The following SFMBT2 variants were observed in gnomAD, a reference collection of about 807,000 sequenced individuals.
SFMBT2 encodes the protein scm-like with four MBT domains protein 2.
SFMBT2 carries 38 observed loss-of-function variants against 110.1 expected under a neutral mutation model. That is an observed-to-expected ratio of 0.35 (90% CI 0.27 to 0.45). SFMBT2 has a LOEUF of 0.45. SFMBT2 is among the 20% of genes least tolerant of loss of function. The pLI is 1.00. For synonymous variants in SFMBT2, 425 were observed against 425.4 expected (o/e 1.00, Z 0.01); for missense variants, 1,011 against 1,094.9 (o/e 0.92, Z 1.08).
At chr10:7,268,513 T>G (rs1247968488) in intron 7 of SFMBT2, among the ~76,000 whole-genome samples, 1 of 150,966 alleles carries the variant, frequency 6.6e-6, no homozygotes, top group Non-Finnish European at 1.5e-5. Context: ...AGGTTTTATC[T>G]AATTTTTTTT....
chr10:7,217,843 G>C (rs1475559945), intron 11 of SFMBT2, among the ~76,000 whole-genome samples: 1 of 152,132 alleles, frequency 6.6e-6, no homozygotes, highest in African/African-American at 2.4e-5. Flanking sequence ...CCTCCTTTCC[G>C]GAACACTGGC....
In SFMBT2 at chr10:7,162,865, G is replaced by A. The variant is rs1377790655; in HGVS notation, c.*905C>T. 2.0e-5 allele frequency: 3 copies of A among 152,476 alleles called. No individual in the cohort carries two copies. Among genetic ancestry groups the A allele is most frequent in the Non-Finnish European group, 2.9e-5 (2 of 68,280 alleles). 9.4% of individuals were successfully genotyped at this position (152,476 alleles called of 1,614,324 possible). A position where few individuals can be genotyped will look rare whatever the true frequency, so the allele number is the denominator to read the frequency against. On this transcript the variant is annotated 3_prime_UTR_variant, in exon 21 of 21. Coordinates refer to ENST00000397167, the MANE Select transcript of SFMBT2 (RefSeq NM_001387889.1). Reference sequence around the variant, plus strand: ...CACCTGTAATCCCAGCACGTTGGGAGGCCGAGGCGGGCAGATCACTTGAGG... The same window carrying A: ...CACCTGTAATCCCAGCACGTTGGGAAGCCGAGGCGGGCAGATCACTTGAGG...
At chr10:7,273,980 G>A (rs1351073428) in intron 7 of SFMBT2, among the ~76,000 whole-genome samples, 2 of 152,160 alleles carry the variant, frequency 1.3e-5, no homozygotes, top group Non-Finnish European at 2.9e-5. Flanking sequence ...ACATGCACAC[G>A]GATGTTTATT....
At chr10:7,338,807 C>T (rs1843799983) in intron 4 of SFMBT2, among the ~76,000 whole-genome samples, 1 of 152,202 alleles carries the variant, frequency 6.6e-6, no homozygotes, top group South Asian at 2.1e-4. Flanking sequence ...CGGACACATC[C>T]TCCCTAAGTC....
At chr10:7,365,817 G>A (rs1844875698) in intron 4 of SFMBT2, among the ~76,000 whole-genome samples, 1 of 152,168 alleles carries the variant, frequency 6.6e-6, no homozygotes, top group Non-Finnish European at 1.5e-5. Flanking sequence ...TTTGCCAAGG[G>A]TTTTCCGGGG....
At chr10:7,198,544 T>C (rs766166102) in intron 14 of SFMBT2, among the ~76,000 whole-genome samples, 9 of 152,234 alleles carry the variant, frequency 5.9e-5, no homozygotes, top group Non-Finnish European at 1.2e-4. Context: ...AGGGCTCCTG[T>C]AGTCCTACAT....
intron 4 of SFMBT2, among the ~76,000 whole-genome samples, chr10:7,310,630 A>G (rs1842823564): frequency 6.6e-6 from 1 of 152,180 alleles, no homozygotes; most frequent in Admixed American, 6.5e-5. Flanking sequence ...CTCTTCCTAA[A>G]TGGATCTTCT....
intron 3 of SFMBT2, among the ~76,000 whole-genome samples, 162 bp from the exon 4 acceptor site, chr10:7,368,051 G>A (rs1357485775): frequency 6.6e-6 from 1 of 152,130 alleles, no homozygotes; most frequent in Non-Finnish European, 1.5e-5. Flanking sequence ...AGCCACAAAC[G>A]TAATGCTAAA....
At chr10:7,287,141 C>T (rs1451806043) in intron 4 of SFMBT2, among the ~76,000 whole-genome samples, 4 of 131,412 alleles carry the variant, frequency 3.0e-5, no homozygotes, top group South Asian at 2.3e-4. Context: ...GAGGCAGTGG[C>T]GGATCTCAGC....
At chr10:7,278,170 G>T (rs904309298) in intron 6 of SFMBT2, among the ~76,000 whole-genome samples, 2 of 152,060 alleles carry the variant, frequency 1.3e-5, no homozygotes, top group African/African-American at 4.8e-5. Context: ...CTTCTAGTTT[G>T]GCCTTTCTAA....
intron 4 of SFMBT2, among the ~76,000 whole-genome samples, chr10:7,287,077 CTTTTTTTTTTTT>C (rs761728311): frequency 1.0e-5 from 1 of 99,686 alleles, no homozygotes; most frequent in Non-Finnish European, 1.9e-5. Context: ...TTTGAGGCAT[CTTTTTTTTTTTT>C]TTTTTTTTTT....
intron 4 of SFMBT2, among the ~76,000 whole-genome samples, chr10:7,366,597 G>A (rs1394671800): frequency 2.0e-5 from 3 of 152,190 alleles, no homozygotes; most frequent in Non-Finnish European, 2.9e-5. Context: ...ACACACATTT[G>A]CAAGGTGGCA....
chr10:7,293,930 C>G lies in SFMBT2; in HGVS notation c.437-7976G>C, dbSNP rs1029375230. Among the ~76,000 whole-genome samples the G allele has an allele frequency of 6.6e-6, 1 of 152,180 alleles. No individual in the cohort carries two copies. The highest frequency in any genetic ancestry group is 1.5e-5 in the Non-Finnish European group (1 of 68,032). ...TGAACAATTTCCATCTCATCAGTTA[C>G]GCTGATGTGTATCAGTGATGTATAT... On this transcript the variant is annotated intron_variant, in intron 4 of 20. Coordinates refer to ENST00000397167, the MANE Select transcript of SFMBT2 (RefSeq NM_001387889.1). The surrounding 1 kb of genome is among the most constrained non-coding windows in gnomAD (Gnocchi z 4.6).
In SFMBT2 at chr10:7,285,928, T is replaced by C. The variant is rs775210146; in HGVS notation, c.463A>G (p.Thr155Ala). Residue 155 changes from threonine (T) to alanine (A), a missense_variant, in exon 5 of 21, where the codon ACA (threonine) becomes GCA (alanine). Physicochemically the swap from Thr to Ala is moderately conservative, Grantham distance 58 (BLOSUM62 0). Around this residue, in one of 2 missense-constraint regions of SFMBT2, gnomAD observed 979 missense variants for 1,016.1 expected, o/e 0.96. Transcript: ENST00000397167. ...GTCAAGTCACGTATGAGAAATTCTG[T>C]CCAGTCTGTGTACTTCTCTTTGATT... is the stretch of plus-strand genomic sequence containing the variant. The part of the protein sequence containing the change: ...DAIKEKYTDW[T>A]EFLIRDLTGS... The C allele has an allele frequency of 1.1e-6, 1 of 872,232 alleles. No homozygotes were observed. The highest frequency in any genetic ancestry group is 1.7e-5 in the Admixed American group (1 of 59,194). The allele number at this position is 872,232 out of a possible 1,614,324, so 54.0% of individuals were successfully genotyped here. A position where few individuals can be genotyped will look rare whatever the true frequency, so the allele number is the denominator to read the frequency against.
intron 4 of SFMBT2, among the ~76,000 whole-genome samples, chr10:7,311,698 G>A (rs769369568): frequency 4.6e-5 from 7 of 152,296 alleles, no homozygotes; most frequent in Admixed American, 1.3e-4. Context: ...TATCTAGGCT[G>A]AAGATATATA....
At chr10:7,361,442 C>T (rs1292800208) in intron 4 of SFMBT2, among the ~76,000 whole-genome samples, 2 of 152,144 alleles carry the variant, frequency 1.3e-5, no homozygotes, top group Admixed American at 6.5e-5. Flanking sequence ...GCATCTTGTC[C>T]TCTACAATCA....
intron 2 of SFMBT2, among the ~76,000 whole-genome samples, chr10:7,371,232 T>C (rs1362344556): frequency 6.6e-6 from 1 of 152,166 alleles, no homozygotes; most frequent in Non-Finnish European, 1.5e-5. Flanking sequence ...CAAGCAATTC[T>C]CCTGCCTCAG....
chr10:7,363,545 AC>A (rs1844794571), intron 4 of SFMBT2, among the ~76,000 whole-genome samples: 1 of 151,988 alleles, frequency 6.6e-6, no homozygotes, highest in Non-Finnish European at 1.5e-5. Context: ...ACGGAGTTTC[AC>A]CATGTTGGCC....
At chr10:7,334,285 C>T (rs1470711403) in intron 4 of SFMBT2, among the ~76,000 whole-genome samples, 1 of 152,156 alleles carries the variant, frequency 6.6e-6, no homozygotes, top group Non-Finnish European at 1.5e-5. Context: ...ACCCCCTCCA[C>T]CTTCCCAGTG....
Sources: gnomAD v4.1 joint callset for allele counts (sites outside exome capture counted in the v4.1 genomes callset) on GRCh38, gnomAD v4.1.1 for gene constraint, gnomAD v4.1.1 regional missense constraint, Gnocchi (gnomAD v3.1) non-coding constraint, MANE v1.5 for transcripts, NCBI Gene and HGNC (gene_info 2026-07-23, HGNC 2026-07-21) for gene names.